Variants in SLC35F3 observed in about 807,000 individuals in gnomAD.
The protein encoded by SLC35F3 is putative thiamine transporter SLC35F3.
Under a neutral mutation model 49.9 loss-of-function variants are expected in SLC35F3, and 25 were observed. That is an observed-to-expected ratio of 0.50 (90% confidence interval 0.37 to 0.70). SLC35F3 has a LOEUF of 0.70. Among genes scored for constraint, SLC35F3 ranks in the 30% least tolerant of loss-of-function variants. SLC35F3 has a pLI of 0.00. For synonymous variants in SLC35F3, 275 were observed against 265.4 expected (o/e 1.04, Z -0.35); for missense variants, 525 against 639.8 (o/e 0.82, Z 1.94).
intron 2 of SLC35F3, among the ~76,000 whole-genome samples, chr1:234,125,739 C>T (rs1309072481): frequency 6.6e-6 from 1 of 152,198 alleles, no homozygotes; most frequent in African/African-American, 2.4e-5. Context: ...AGAAATTTTT[C>T]ATCCTCTGCA....
chr1:234,140,002 A>AATAAAAAAAAAAAAT, intron 2 of SLC35F3, among the ~76,000 whole-genome samples: 1 of 105,368 alleles, frequency 9.5e-6, no homozygotes, highest in Non-Finnish European at 2.4e-5. Flanking sequence ...AATAAAATAA[A>AATAAAAAAAAAAAAT]GTAAGTGACT....
chr1:234,279,929 A>T (rs1375940362), intron 3 of SLC35F3, among the ~76,000 whole-genome samples: 1 of 152,208 alleles, frequency 6.6e-6, no homozygotes, highest in Non-Finnish European at 1.5e-5. Flanking sequence ...ACTTTCCTAG[A>T]CTGGCAGCAT....
intron 2 of SLC35F3, among the ~76,000 whole-genome samples, chr1:234,172,847 C>T (rs748844392): frequency 2.6e-5 from 4 of 152,156 alleles, no homozygotes; most frequent in Admixed American, 1.3e-4. Flanking sequence ...GTCATATATG[C>T]GGTCTGTTGT....
intron 3 of SLC35F3, among the ~76,000 whole-genome samples, chr1:234,279,348 G>C (rs147276968): frequency 6.6e-6 from 1 of 152,128 alleles, no homozygotes; most frequent in Admixed American, 6.5e-5. Flanking sequence ...TTCCCTTTAG[G>C]TTAGTGATTT....
At chr1:234,237,197 C>T (rs1572108854) in intron 3 of SLC35F3, among the ~76,000 whole-genome samples, 1 of 151,862 alleles carries the variant, frequency 6.6e-6, no homozygotes. Flanking sequence ...AATTATGTAA[C>T]TGGCTACAGC....
intron 1 of SLC35F3, 55 bp downstream of exon 1, chr1:233,905,185 C>A (rs1661752027): frequency 6.5e-7 from 1 of 1,536,402 alleles, no homozygotes; most frequent in Non-Finnish European, 8.8e-7. Flanking sequence ...GGCCGGAGCG[C>A]CGGGGTAGCC....
At chr1:234,236,937 A>C in intron 3 of SLC35F3, among the ~76,000 whole-genome samples, 1 of 94,606 alleles carries the variant, frequency 1.1e-5, no homozygotes, top group Non-Finnish European at 2.2e-5. Flanking sequence ...ATATATATAT[A>C]TATATATATA....
At chr1:234,170,571 A>T (rs756629116) in intron 2 of SLC35F3, among the ~76,000 whole-genome samples, 3 of 151,882 alleles carry the variant, frequency 2.0e-5, no homozygotes, top group Non-Finnish European at 4.4e-5. Flanking sequence ...CCAGAAGCAA[A>T]CGACTCATCT....
intron 2 of SLC35F3, among the ~76,000 whole-genome samples, chr1:233,953,243 GA>G (rs933590957): frequency 1.3e-5 from 2 of 152,010 alleles, no homozygotes; most frequent in African/African-American, 2.4e-5. Context: ...CATTAAGAAT[GA>G]AAAAAATCAG....
At chr1:234,164,549 G>A (rs948886542) in intron 2 of SLC35F3, among the ~76,000 whole-genome samples, 1 of 152,074 alleles carries the variant, frequency 6.6e-6, no homozygotes, top group Non-Finnish European at 1.5e-5. Flanking sequence ...TGGAAGGGCG[G>A]CCACGTGGCT....
chr1:234,187,877 C>A (rs1666668972), intron 2 of SLC35F3, among the ~76,000 whole-genome samples: 1 of 152,164 alleles, frequency 6.6e-6, no homozygotes, highest in Non-Finnish European at 1.5e-5. Context: ...GTAACAATTA[C>A]AACCAGAGTT....
intron 2 of SLC35F3, among the ~76,000 whole-genome samples, chr1:233,910,059 T>G (rs1488682248): frequency 6.6e-6 from 1 of 152,230 alleles, no homozygotes; most frequent in African/African-American, 2.4e-5. Flanking sequence ...GCTGGCATGA[T>G]TCCACAACCA....
intron 2 of SLC35F3, among the ~76,000 whole-genome samples, chr1:234,030,025 T>G (rs1010885496): frequency 1.6e-4 from 25 of 152,166 alleles, no homozygotes; most frequent in African/African-American, 5.6e-4. Flanking sequence ...CAAATAATGT[T>G]CAAATTATAT....
chr1:233,981,406 A>G (rs1663181582), intron 2 of SLC35F3, among the ~76,000 whole-genome samples: 1 of 152,160 alleles, frequency 6.6e-6, no homozygotes, highest in Non-Finnish European at 1.5e-5. Flanking sequence ...ACATGGAATC[A>G]TATCGTATAA....
chr1:234,265,568 G>T (rs76736845), intron 3 of SLC35F3, among the ~76,000 whole-genome samples: 3,858 of 152,000 alleles, frequency 0.025, 67 homozygotes, highest in East Asian at 0.059. Flanking sequence ...TGTAGAAACT[G>T]ACCACTTCTC....
intron 2 of SLC35F3, among the ~76,000 whole-genome samples, chr1:234,215,753 AGCTGTCCACACAG>A (rs1667112287): frequency 6.6e-6 from 1 of 152,212 alleles, no homozygotes; most frequent in East Asian, 1.9e-4. Flanking sequence ...TCCCAAGCTT[AGCTGTCCACACAG>A]GCCTGCCTGC....
At chr1:234,077,267 G>C (rs1263650978) in intron 2 of SLC35F3, among the ~76,000 whole-genome samples, 6 of 151,636 alleles carry the variant, frequency 4.0e-5, no homozygotes, top group Non-Finnish European at 8.8e-5. Context: ...GCCTCCCAAA[G>C]TGCTGGGATT....
At chr1:234,247,866 G>GTTTGATGGGTCAGTTGGCTGGTGCATTA (rs1667664467) in intron 3 of SLC35F3, among the ~76,000 whole-genome samples, 6 of 151,988 alleles carry the variant, frequency 3.9e-5, no homozygotes, top group Admixed American at 3.9e-4. Flanking sequence ...CTGGTGCATT[G>GTTTGATGGGTCAGTTGGCTGGTGCATTA]TTTGATGGGT....
Position 233,905,655 on chromosome 1 carries a change from G to A in SLC35F3, c.180G>A (p.Val60=). The A allele has an allele frequency of 4.3e-6, 7 of 1,614,212 alleles. No individual in the cohort carries two copies. Among genetic ancestry groups the A allele is most frequent in the Non-Finnish European group, 5.9e-6 (7 of 1,180,036 alleles). The change falls in exon 2 of 8, where the codon GTG becomes GTA. Residue 60 remains valine, a synonymous_variant. Transcript: ENST00000366618. ...AGGATCTGAAATGGTCGCGCTCCGT[G>A]GAGGATCTCACCAGCGGGCCGGTGG... ...IKEDLKWSRS[V]EDLTSGPVGL...
Sources: allele counts gnomAD v4.1 joint callset (sites outside exome capture counted in the v4.1 genomes callset), GRCh38; gene constraint gnomAD v4.1.1; transcripts MANE v1.5; gene names NCBI Gene and HGNC (gene_info 2026-07-23, HGNC 2026-07-21).